Variants in DDX23 observed in about 807,000 individuals in gnomAD.
DDX23 encodes the protein DEAD-box helicase 23, also known as probable ATP-dependent RNA helicase DDX23.
A neutral mutation model predicts 102.7 loss-of-function variants in DDX23; 33 were observed. The observed-to-expected ratio is 0.32, with a 90% confidence interval of 0.24 to 0.43. DDX23 has a LOEUF of 0.43. Ranked by LOEUF, DDX23 falls within the 20% of genes least tolerant of loss-of-function variation. DDX23 has a pLI of 1.00. For missense variants in DDX23, 549 were observed against 1,086.6 expected, an observed-to-expected ratio of 0.51 and a Z score of 6.96; for synonymous variants, 352 against 376.0, an observed-to-expected ratio of 0.94 and a Z score of 0.74.
At chr12:48,845,926 A>G in intron 1 of DDX23, 144 bp from the exon 2 acceptor site, 1 of 922,514 alleles carries the variant, frequency 1.1e-6, no homozygotes, top group Non-Finnish European at 1.6e-6. Flanking sequence ...GAGCTCAGGT[A>G]TATAAAGGAA....
chr12:48,837,155 G>C, intron 8 of DDX23, 118 bp from the exon 9 acceptor site: 1 of 1,549,522 alleles, frequency 6.5e-7, no homozygotes, highest in Non-Finnish European at 8.8e-7. Context: ...CCACCAGAGG[G>C]CTGGCTGACT....
intron 11 of DDX23, among the ~76,000 whole-genome samples, chr12:48,835,605 G>A (rs1361462907): frequency 1.3e-5 from 2 of 152,206 alleles, no homozygotes; most frequent in Non-Finnish European, 2.9e-5. Context: ...AGCTACTTGG[G>A]AGGCTGAGGG....
In DDX23 at chr12:48,837,314, G is replaced by A. The variant is rs1171974688; in HGVS notation, c.833C>T (p.Ala278Val). 6.2e-7 allele frequency: 1 copy of A among 1,614,152 alleles called. No individual in the cohort carries two copies. Among genetic ancestry groups the A allele is most frequent in the Non-Finnish European group, 8.5e-7 (1 of 1,180,026 alleles). Reference protein sequence around the residue: ...NDRKFVFEWDASEDTSIDYNP... With the variant: ...NDRKFVFEWDVSEDTSIDYNP... The stretch of plus-strand genomic sequence containing the variant: ...GTAGTCAATGGATGTGTCCTCAGAT[G>A]CATCCCACTCAAAAACAAATTTCCG... Residue 278 changes from alanine (A) to valine (V), a missense_variant, in exon 8 of 17, where the codon GCA (alanine) becomes GTA (valine). Transcript: ENST00000308025.
intron 5 of DDX23, among the ~76,000 whole-genome samples, chr12:48,839,313 C>T (rs539543354): frequency 1.7e-4 from 26 of 152,120 alleles, no homozygotes; most frequent in Non-Finnish European, 2.5e-4. Flanking sequence ...AATCCCAGCA[C>T]TTTGTGAGGC....
intron 5 of DDX23, 177 bp downstream of exon 5, chr12:48,839,667 A>T: frequency 4.8e-6 from 3 of 619,810 alleles, no homozygotes; most frequent in South Asian, 4.0e-5. Flanking sequence ...GAGGAAGAAG[A>T]CAGCCTTATA....
In DDX23 at chr12:48,840,553, T is replaced by TAA. The variant is rs1239140251; in HGVS notation, c.321-448_321-447insTT. ...AGGTGTGGTTGTTTAGAGAAAAATT[T>TAA]TTTTTTTTTTTTTTTTTGAGACACA... On this transcript the variant is annotated intron_variant, in intron 3 of 16. Coordinates refer to ENST00000308025, the MANE Select transcript of DDX23 (RefSeq NM_004818.3). Among the ~76,000 whole-genome samples, 439 of 142,842 alleles carry TAA rather than the reference T, an allele frequency of 3.1e-3. 1 individual carries two copies. Among genetic ancestry groups the TAA allele is most frequent in the Middle Eastern group, 0.014 (4 of 280 alleles). The allele number at this position is 142,842 out of a possible 152,430, so 93.7% of individuals were successfully genotyped here.
intron 7 of DDX23, 53 bp downstream of exon 7, chr12:48,837,471 C>G: frequency 6.2e-7 from 1 of 1,613,342 alleles, no homozygotes; most frequent in Non-Finnish European, 8.5e-7. Context: ...GGCCAAATAA[C>G]TAAACCTCAT....
intron 5 of DDX23, 135 bp from the exon 6 acceptor site, chr12:48,838,215 T>G: frequency 1.6e-6 from 2 of 1,268,590 alleles, no homozygotes; most frequent in Non-Finnish European, 2.2e-6. Context: ...AAATAGGCCT[T>G]GGACTCGGTT....
chr12:48,842,724 G>A (rs1453323835), intron 3 of DDX23, among the ~76,000 whole-genome samples: 3 of 151,744 alleles, frequency 2.0e-5, no homozygotes, highest in Non-Finnish European at 2.9e-5. Context: ...GAGGTGAGGG[G>A]CGCCTCTGCC....
At chr12:48,845,235 C>A (rs1002800275) in intron 2 of DDX23, among the ~76,000 whole-genome samples, 1 of 151,342 alleles carries the variant, frequency 6.6e-6, no homozygotes, top group African/African-American at 2.4e-5. Context: ...AGGCAGATCA[C>A]GTCAGGAGAT....
intron 1 of DDX23, among the ~76,000 whole-genome samples, chr12:48,851,727 AG>A (rs1459555483): frequency 2.6e-5 from 4 of 152,254 alleles, no homozygotes; most frequent in African/African-American, 9.6e-5. Flanking sequence ...GCCGGCGCAG[AG>A]GCGGGAAAAC....
At chr12:48,838,486 G>A (rs564839367) in intron 5 of DDX23, among the ~76,000 whole-genome samples, 1 of 151,770 alleles carries the variant, frequency 6.6e-6, no homozygotes, top group African/African-American at 2.4e-5. Context: ...GGAGTTTGAG[G>A]TTACAGTGAG....
chr12:48,843,610 G>A (rs1422116698), intron 3 of DDX23, among the ~76,000 whole-genome samples: 3 of 142,836 alleles, frequency 2.1e-5, no homozygotes, highest in Non-Finnish European at 4.5e-5. Context: ...GTGCAGTGGC[G>A]TGATCTCGAC....
Position 48,836,329 on chromosome 12 carries a change from G to C in DDX23, c.1237-63C>G, listed in dbSNP as rs1235078075. On this transcript the variant is annotated intron_variant, in intron 10 of 16. Coordinates refer to ENST00000308025, the MANE Select transcript of DDX23 (RefSeq NM_004818.3). The surrounding 1 kb of genome is among the most constrained non-coding windows in gnomAD (Gnocchi z 6.1). ...GAGTTATACCACCTGGGCAACCACT[G>C]ATAGTAGTAAGCACATCTGCTAGCA... 1 of 1,569,178 alleles carries C rather than the reference G, an allele frequency of 6.4e-7. No individual in the cohort carries two copies. The highest frequency in any genetic ancestry group is 8.8e-7 in the Non-Finnish European group (1 of 1,141,382).
chr12:48,847,037 T>C (rs1490751510), intron 1 of DDX23, among the ~76,000 whole-genome samples: 3 of 152,216 alleles, frequency 2.0e-5, no homozygotes, highest in South Asian at 4.1e-4. Flanking sequence ...CCTTAAGCTT[T>C]AGCTTACAAG....
At chr12:48,847,074 T>C (rs1009140040) in intron 1 of DDX23, among the ~76,000 whole-genome samples, 1 of 152,212 alleles carries the variant, frequency 6.6e-6, no homozygotes, top group African/African-American at 2.4e-5. Context: ...TTCCCTGCCA[T>C]ATATCCTTAA....
chr12:48,834,793 G>C (rs1442745602), intron 11 of DDX23: 2 of 247,812 alleles, frequency 8.1e-6, no homozygotes, highest in African/African-American at 4.5e-5. Flanking sequence ...AATTAGCCAG[G>C]CGTGGTGGCC....
chr12:48,841,456 C>T (rs1156758788), intron 3 of DDX23, among the ~76,000 whole-genome samples: 4 of 152,126 alleles, frequency 2.6e-5, no homozygotes, highest in Non-Finnish European at 1.5e-5. Flanking sequence ...TCCCCTCTCC[C>T]CTCTCCCCAC....
chr12:48,832,002 A>G lies in DDX23; in HGVS notation c.2064+76T>C. 7.3e-7 allele frequency: 1 copy of G among 1,364,584 alleles called. No homozygotes were observed. 84.5% of individuals were successfully genotyped at this position (1,364,584 alleles called of 1,614,324 possible). Reference sequence around the variant, plus strand: ...AAAGAAAGGGTGAGACTTGAAAGGAAGAGCCTAGGGGGCCCTGCTAGATTC... The same window carrying G: ...AAAGAAAGGGTGAGACTTGAAAGGAGGAGCCTAGGGGGCCCTGCTAGATTC... On this transcript the variant is annotated intron_variant, in intron 15 of 16. Coordinates refer to ENST00000308025, the MANE Select transcript of DDX23 (RefSeq NM_004818.3). The surrounding 1 kb of genome is among the most constrained non-coding windows in gnomAD (Gnocchi z 4.4).
Sources: allele counts gnomAD v4.1 joint callset (sites outside exome capture counted in the v4.1 genomes callset), GRCh38; gene constraint gnomAD v4.1.1; non-coding constraint Gnocchi (gnomAD v3.1); transcripts MANE v1.5; gene names NCBI Gene and HGNC (gene_info 2026-07-23, HGNC 2026-07-21).